The following SGCZ variants were observed in gnomAD, a reference collection of about 807,000 sequenced individuals.
SGCZ encodes zeta-sarcoglycan.
In SGCZ, 40 loss-of-function variants were observed where a neutral mutation model predicts 41.3. That is an observed-to-expected ratio of 0.97 (90% CI 0.75 to 1.26). The LOEUF is 1.26. Ranked by LOEUF, SGCZ falls within the 50% of genes most tolerant of loss-of-function variation. The pLI, the probability that SGCZ is intolerant of heterozygous loss-of-function variation, is 0.00. For missense variants in SGCZ, 552 were observed against 369.8 expected, an observed-to-expected ratio of 1.49 and a Z score of -4.04; for synonymous variants, 206 against 137.5, an observed-to-expected ratio of 1.50 and a Z score of -3.49.
At chr8:15,016,510 A>T (rs1803039322) in intron 1 of SGCZ, among the ~76,000 whole-genome samples, 1 of 152,192 alleles carries the variant, frequency 6.6e-6, no homozygotes, top group African/African-American at 2.4e-5. Context: ...AAGAAAGAAT[A>T]AAGCGACTTC....
At chr8:14,289,270 TGAA>T (rs1467883267) in intron 3 of SGCZ, among the ~76,000 whole-genome samples, 1 of 152,080 alleles carries the variant, frequency 6.6e-6, no homozygotes, top group Non-Finnish European at 1.5e-5. Context: ...TTTTTAATTA[TGAA>T]GAAGTATAAT....
At chr8:14,760,295 C>T (rs1288743474) in intron 1 of SGCZ, among the ~76,000 whole-genome samples, 2 of 152,152 alleles carry the variant, frequency 1.3e-5, no homozygotes, top group East Asian at 1.9e-4. Context: ...CATTACACAA[C>T]ACCGTTTTAT....
In SGCZ at chr8:14,713,054, TTAAC is replaced by T. The variant is rs1263943542; in HGVS notation, c.40-158132_40-158129del. Among the ~76,000 whole-genome samples, 2 of 152,178 alleles carry T rather than the reference TTAAC, an allele frequency of 1.3e-5. 1 individual carries two copies. The highest frequency in any genetic ancestry group is 4.1e-4 in the South Asian group (2 of 4,830). On this transcript the variant is annotated intron_variant, in intron 1 of 7. Coordinates refer to ENST00000382080, the MANE Select transcript of SGCZ (RefSeq NM_139167.4). ...GTTGCTCATTTTTACTAAAAAGTAA[TTAAC>T]TAAGCACAATACAACAGTTCTAAGC...
At chr8:14,377,099 G>A (rs555998782) in intron 2 of SGCZ, among the ~76,000 whole-genome samples, 49 of 152,084 alleles carry the variant, frequency 3.2e-4, no homozygotes, top group Non-Finnish European at 6.5e-4. Context: ...AGCATAGACC[G>A]GGTTGCAAGA....
chr8:14,750,400 T>A (rs1218482848), intron 1 of SGCZ, among the ~76,000 whole-genome samples: 1 of 152,100 alleles, frequency 6.6e-6, no homozygotes, highest in African/African-American at 2.4e-5. Context: ...ACTGAATAAT[T>A]TTCACTTTGC....
intron 2 of SGCZ, among the ~76,000 whole-genome samples, chr8:14,336,123 G>C (rs1327230977): frequency 1.3e-5 from 2 of 152,028 alleles, no homozygotes; most frequent in Non-Finnish European, 2.9e-5. Context: ...GTGTCCATGT[G>C]TTCCCATCAT....
chr8:14,999,646 T>G (rs977514833), intron 1 of SGCZ, among the ~76,000 whole-genome samples: 4 of 149,918 alleles, frequency 2.7e-5, no homozygotes, highest in Admixed American at 6.6e-5. Context: ...GCAACCCTGC[T>G]TCTATTACAG....
intron 5 of SGCZ, among the ~76,000 whole-genome samples, chr8:14,119,334 G>C (rs769799114): frequency 6.6e-6 from 1 of 151,978 alleles, no homozygotes; most frequent in African/African-American, 2.4e-5. Context: ...ATTGTGAATG[G>C]GAGTTGACTC....
intron 1 of SGCZ, among the ~76,000 whole-genome samples, chr8:15,005,356 A>C (rs1179020287): frequency 1.0e-5 from 1 of 95,524 alleles, no homozygotes; most frequent in African/African-American, 4.2e-5. Context: ...TTTGACATGG[A>C]GTTTCATTCT....
chr8:14,939,783 C>T (rs11781498), intron 1 of SGCZ, among the ~76,000 whole-genome samples: 30,212 of 152,056 alleles, frequency 0.2, 4,059 homozygotes, highest in African/African-American at 0.39. Context: ...GAAGCAGCTT[C>T]TACAATTTCC....
intron 1 of SGCZ, among the ~76,000 whole-genome samples, chr8:15,065,055 C>T (rs2131017541): frequency 6.6e-6 from 1 of 152,194 alleles, no homozygotes; most frequent in Non-Finnish European, 1.5e-5. Context: ...CTTCCAAATG[C>T]AAAAATCTGA....
At chr8:14,808,987 A>T (rs1253557339) in intron 1 of SGCZ, among the ~76,000 whole-genome samples, 1 of 151,142 alleles carries the variant, frequency 6.6e-6, no homozygotes. Context: ...AGAACAAAAA[A>T]CCAAACACCG....
chr8:14,762,472 G>A lies in SGCZ; in HGVS notation c.40-207546C>T, dbSNP rs137891703. Among the ~76,000 whole-genome samples, 438 of 152,290 alleles carry A rather than the reference G, an allele frequency of 2.9e-3. 4 individuals carry two copies. The highest frequency in any genetic ancestry group is 9.5e-3 in the African/African-American group (396 of 41,562). ...TACAGGTTTGCTGTGAGGTAAAGGG[G>A]TTAATTTATGTGAAGTAATTAGCAC... On this transcript the variant is annotated intron_variant, in intron 1 of 7. Coordinates refer to ENST00000382080, the MANE Select transcript of SGCZ (RefSeq NM_139167.4).
chr8:14,300,406 G>A (rs1801148404), intron 3 of SGCZ, among the ~76,000 whole-genome samples: 1 of 151,686 alleles, frequency 6.6e-6, no homozygotes, highest in Non-Finnish European at 1.5e-5. Flanking sequence ...GAAGAATTTA[G>A]GTAGGTAAAG....
chr8:14,681,690 T>A (rs1057463040), intron 1 of SGCZ, among the ~76,000 whole-genome samples: 1 of 152,184 alleles, frequency 6.6e-6, no homozygotes, highest in Non-Finnish European at 1.5e-5. Context: ...AGATCTAAAA[T>A]AATTATGTCC....
intron 1 of SGCZ, among the ~76,000 whole-genome samples, chr8:15,200,873 A>G (rs903991568): frequency 1.3e-5 from 2 of 152,188 alleles, no homozygotes; most frequent in Non-Finnish European, 2.9e-5. Flanking sequence ...TAACACTTGC[A>G]TATCATAGGA....
intron 1 of SGCZ, among the ~76,000 whole-genome samples, chr8:14,847,269 T>C (rs1008671448): frequency 6.6e-6 from 1 of 152,112 alleles, no homozygotes; most frequent in African/African-American, 2.4e-5. Flanking sequence ...ATGAACTCAA[T>C]ATTACCCTGA....
At chr8:14,257,004 T>A (rs1018660925) in intron 3 of SGCZ, among the ~76,000 whole-genome samples, 3 of 152,158 alleles carry the variant, frequency 2.0e-5, no homozygotes, top group Non-Finnish European at 4.4e-5. Context: ...TAATCCTCAT[T>A]ATTTTTAGGG....
chr8:14,316,810 TAG>T (rs1801732571), intron 3 of SGCZ, among the ~76,000 whole-genome samples: 1 of 84,796 alleles, frequency 1.2e-5, no homozygotes, highest in Non-Finnish European at 2.3e-5. Context: ...TCATTTATTA[TAG>T]ACACACACAC....
Sources: allele counts gnomAD v4.1 joint callset (sites outside exome capture counted in the v4.1 genomes callset), GRCh38; gene constraint gnomAD v4.1.1; transcripts MANE v1.5; gene names NCBI Gene and HGNC (gene_info 2026-07-23, HGNC 2026-07-21).